The following GRIP1 variants were observed in gnomAD, a reference collection of about 807,000 sequenced individuals.
The protein encoded by GRIP1 is glutamate receptor-interacting protein 1.
In GRIP1, 45 loss-of-function variants were observed where a neutral mutation model predicts 129.9. That is an observed-to-expected ratio of 0.35 (90% CI 0.27 to 0.44). The LOEUF is 0.44. Ranked by LOEUF, GRIP1 falls within the 20% of genes least tolerant of loss-of-function variation. GRIP1 has a pLI of 1.00. For missense variants in GRIP1, 1,196 were observed against 1,396.8 expected, an observed-to-expected ratio of 0.86 and a Z score of 2.29; for synonymous variants, 530 against 520.8, an observed-to-expected ratio of 1.02 and a Z score of -0.24.
intron 15 of GRIP1, among the ~76,000 whole-genome samples, chr12:66,419,800 T>G (rs886174520): frequency 6.6e-6 from 1 of 152,208 alleles, no homozygotes; most frequent in Non-Finnish European, 1.5e-5. Context: ...TTTTGAATGT[T>G]AAAGTATTTC....
intron 15 of GRIP1, among the ~76,000 whole-genome samples, chr12:66,416,972 GA>G (rs1346325169): frequency 3.3e-5 from 5 of 150,816 alleles, no homozygotes; most frequent in African/African-American, 1.2e-4. Context: ...GAAAAGAAAA[GA>G]AAAAGAAAAA....
intron 7 of GRIP1, among the ~76,000 whole-genome samples, chr12:66,465,640 G>A (rs1313637098): frequency 6.6e-6 from 1 of 152,142 alleles, no homozygotes; most frequent in African/African-American, 2.4e-5. Context: ...TAATGTATGT[G>A]TAATGTTCAT....
chr12:66,753,375 A>G lies in GRIP1; in HGVS notation c.-420+50678T>C, dbSNP rs146135156. On this transcript the variant is annotated intron_variant, in intron 1 of 4. Transcript: ENST00000538373. The stretch of plus-strand genomic sequence containing the variant: ...TTCCATCTGTAGACCACTTATTCTA[A>G]GGATCTGGGACATGGTAAAGTAACA... Among the ~76,000 whole-genome samples the G allele has an allele frequency of 8.4e-3, 1,283 of 152,298 alleles. 12 individuals carry two copies. The highest frequency in any genetic ancestry group is 0.013 in the Non-Finnish European group (901 of 68,032).
intron 1 of GRIP1, among the ~76,000 whole-genome samples, chr12:66,923,753 AG>A (rs1196160633): frequency 6.6e-6 from 1 of 152,184 alleles, no homozygotes; most frequent in East Asian, 1.9e-4. Context: ...CCTTACCCTA[AG>A]TTTCAATTCC....
chr12:66,640,225 G>T (rs2031800660), intron 1 of GRIP1, among the ~76,000 whole-genome samples: 1 of 152,162 alleles, frequency 6.6e-6, no homozygotes, highest in Non-Finnish European at 1.5e-5. Flanking sequence ...ACTAAACTAT[G>T]AAGTTTTTGA....
intron 1 of GRIP1, among the ~76,000 whole-genome samples, chr12:66,764,096 A>AT (rs1179941080): frequency 1.3e-5 from 2 of 152,224 alleles, no homozygotes; most frequent in African/African-American, 4.8e-5. Flanking sequence ...CAGAGGGGCC[A>AT]TTTGGCTGTC....
At chr12:66,688,237 T>C (rs1431715898) in intron 1 of GRIP1, among the ~76,000 whole-genome samples, 1 of 152,176 alleles carries the variant, frequency 6.6e-6, no homozygotes, top group Non-Finnish European at 1.5e-5. Context: ...TTTTTTAAGC[T>C]TTAGATTCTT....
intron 7 of GRIP1, among the ~76,000 whole-genome samples, chr12:66,502,784 CTG>C (rs1344079914): frequency 6.6e-6 from 1 of 152,188 alleles, no homozygotes; most frequent in African/African-American, 2.4e-5. Flanking sequence ...GCCTGCAGAA[CTG>C]TGGGCCAATT....
At chr12:66,406,934 G>T (rs966283183) in intron 15 of GRIP1, among the ~76,000 whole-genome samples, 3 of 152,028 alleles carry the variant, frequency 2.0e-5, no homozygotes, top group Non-Finnish European at 2.9e-5. Context: ...ATTTATAGAT[G>T]AATCCATAGC....
At chr12:66,926,335 G>T (rs901386554) in intron 1 of GRIP1, among the ~76,000 whole-genome samples, 1 of 152,092 alleles carries the variant, frequency 6.6e-6, no homozygotes, top group Non-Finnish European at 1.5e-5. Flanking sequence ...CAAAATAAAG[G>T]CCTGTTCAGG....
intron 1 of GRIP1, among the ~76,000 whole-genome samples, chr12:66,837,480 C>A (rs1442411841): frequency 6.6e-6 from 1 of 152,106 alleles, no homozygotes; most frequent in African/African-American, 2.4e-5. Context: ...TGCACCAATG[C>A]CCACAGGCCT....
chr12:66,467,989 C>A (rs1305632535), intron 7 of GRIP1, among the ~76,000 whole-genome samples: 1 of 152,174 alleles, frequency 6.6e-6, no homozygotes, highest in Non-Finnish European at 1.5e-5. Context: ...ACTTATTAAT[C>A]TCTTTTAGGA....
At chr12:66,537,464 A>G (rs1411848901) in intron 4 of GRIP1, among the ~76,000 whole-genome samples, 3 of 151,972 alleles carry the variant, frequency 2.0e-5, no homozygotes, top group Non-Finnish European at 4.4e-5. Context: ...TACTATTATT[A>G]CTACTTGACA....
intron 19 of GRIP1, among the ~76,000 whole-genome samples, chr12:66,388,777 C>T (rs536432996): frequency 5.4e-4 from 82 of 152,326 alleles, no homozygotes; most frequent in African/African-American, 1.8e-3. Flanking sequence ...TTTTCACTAA[C>T]GAAGTGATAG....
At chr12:66,742,945 C>CT (rs1329304896) in intron 1 of GRIP1, among the ~76,000 whole-genome samples, 2 of 152,158 alleles carry the variant, frequency 1.3e-5, no homozygotes, top group Non-Finnish European at 2.9e-5. Flanking sequence ...ACATACCTCT[C>CT]TGTCATAAGA....
chr12:66,772,040 T>C (rs184225655), intron 1 of GRIP1, among the ~76,000 whole-genome samples: 19 of 152,090 alleles, frequency 1.2e-4, no homozygotes, highest in Non-Finnish European at 2.2e-4. Context: ...GTATTCTAGA[T>C]GCTGTGCAGA....
chr12:66,493,071 T>C (rs1248944451), intron 7 of GRIP1, among the ~76,000 whole-genome samples: 3 of 152,272 alleles, frequency 2.0e-5, no homozygotes, highest in African/African-American at 7.2e-5. Flanking sequence ...CAAATTACTG[T>C]TTAATATGCC....
intron 20 of GRIP1, among the ~76,000 whole-genome samples, 165 bp downstream of exon 20, chr12:66,379,115 G>A (rs2055970458): frequency 1.3e-5 from 2 of 152,240 alleles, no homozygotes; most frequent in Non-Finnish European, 2.9e-5. Context: ...GTTGCCACTG[G>A]TCAGGCAGCT....
chr12:66,432,406 G>C (rs1010988697), intron 14 of GRIP1, 142 bp downstream of exon 14: 2 of 615,052 alleles, frequency 3.3e-6, no homozygotes, highest in African/African-American at 3.7e-5. Context: ...AGTGCTGGAG[G>C]TGTGACTGAC....
Sources: gnomAD v4.1 joint callset for allele counts (sites outside exome capture counted in the v4.1 genomes callset) on GRCh38, gnomAD v4.1.1 for gene constraint, MANE v1.5 for transcripts, NCBI Gene and HGNC (gene_info 2026-07-23, HGNC 2026-07-21) for gene names.